ERC2: variants seen among roughly 807,000 people sequenced by gnomAD.
ERC2 encodes the protein ERC protein 2.
Under a neutral mutation model 114.8 loss-of-function variants are expected in ERC2, and 42 were observed. The observed-to-expected ratio is 0.37, with a 90% confidence interval of 0.29 to 0.47. The LOEUF is 0.47. ERC2 is among the 20% of genes least tolerant of loss of function. The pLI is 0.99. For synonymous variants in ERC2, 454 were observed against 425.5 expected (o/e 1.07, Z -0.82); for missense variants, 939 against 1,150.7 (o/e 0.82, Z 2.66).
At chr3:56,167,779 G>T (rs566498948) in intron 4 of ERC2, among the ~76,000 whole-genome samples, 4 of 152,238 alleles carry the variant, frequency 2.6e-5, no homozygotes, top group Admixed American at 1.3e-4. Context: ...GTTAAAAAAA[G>T]ACTTCAGAGC....
chr3:56,419,391 G>A (rs2061299921), intron 2 of ERC2, among the ~76,000 whole-genome samples: 1 of 152,198 alleles, frequency 6.6e-6, no homozygotes, highest in Non-Finnish European at 1.5e-5. Flanking sequence ...AATATTTAAA[G>A]ATGTGCTTTT....
intron 17 of ERC2, among the ~76,000 whole-genome samples, chr3:55,635,291 G>A (rs1316334530): frequency 2.6e-5 from 4 of 152,112 alleles, no homozygotes; most frequent in Non-Finnish European, 5.9e-5. Context: ...CAAGATCTCT[G>A]TCAGGTTGGA....
intron 15 of ERC2, among the ~76,000 whole-genome samples, chr3:55,701,475 A>T (rs1187388020): frequency 6.6e-6 from 1 of 152,198 alleles, no homozygotes; most frequent in Non-Finnish European, 1.5e-5. Context: ...TATCTGCCAG[A>T]GGATGTCTTA....
intron 14 of ERC2, among the ~76,000 whole-genome samples, chr3:55,818,489 A>T (rs944379850): frequency 3.9e-5 from 6 of 152,262 alleles, no homozygotes; most frequent in African/African-American, 1.4e-4. Flanking sequence ...CACACAGTAC[A>T]ACAGTATAAG....
At chr3:56,261,896 T>C (rs948836273) in intron 3 of ERC2, among the ~76,000 whole-genome samples, 1 of 152,140 alleles carries the variant, frequency 6.6e-6, no homozygotes. Flanking sequence ...CCAGTGTGTG[T>C]TGTTCCCCTC....
At chr3:56,465,760 A>G (rs1209144173) in intron 1 of ERC2, among the ~76,000 whole-genome samples, 4 of 152,278 alleles carry the variant, frequency 2.6e-5, no homozygotes, top group African/African-American at 9.6e-5. Flanking sequence ...TCTACTGGAA[A>G]TATATAATAA....
At chr3:56,051,453 C>G in intron 7 of ERC2, among the ~76,000 whole-genome samples, 1 of 152,006 alleles carries the variant, frequency 6.6e-6, no homozygotes, top group Non-Finnish European at 1.5e-5. Flanking sequence ...GGGAGACAAC[C>G]TTTGGTCACT....
chr3:55,984,109 T>C (rs1348104678), intron 12 of ERC2, among the ~76,000 whole-genome samples: 1 of 152,156 alleles, frequency 6.6e-6, no homozygotes, highest in African/African-American at 2.4e-5. Flanking sequence ...GGTTAAATGA[T>C]ATTGGAATGA....
chr3:55,951,349 C>CA (rs1357814519), intron 12 of ERC2, among the ~76,000 whole-genome samples: 3 of 152,162 alleles, frequency 2.0e-5, no homozygotes, highest in Admixed American at 2.0e-4. Context: ...AGCTCAAACA[C>CA]AATAACAGTT....
At chr3:56,180,357 A>AT (rs2083223480) in intron 3 of ERC2, among the ~76,000 whole-genome samples, 1 of 152,210 alleles carries the variant, frequency 6.6e-6, no homozygotes, top group Non-Finnish European at 1.5e-5. Flanking sequence ...TCTGCTTTAG[A>AT]TTTGTACACC....
chr3:55,599,625 GT>G (rs1409109496), intron 17 of ERC2, among the ~76,000 whole-genome samples: 1 of 152,172 alleles, frequency 6.6e-6, no homozygotes, highest in Non-Finnish European at 1.5e-5. Flanking sequence ...TTAAACTGGA[GT>G]TTTTAAACTT....
intron 12 of ERC2, among the ~76,000 whole-genome samples, chr3:55,978,340 C>G (rs1281633355): frequency 2.6e-5 from 4 of 152,150 alleles, no homozygotes; most frequent in African/African-American, 4.8e-5. Flanking sequence ...AGCATAAGTT[C>G]ATTTTTCTAT....
At chr3:55,597,785 C>T (rs2058217870) in intron 17 of ERC2, among the ~76,000 whole-genome samples, 2 of 152,150 alleles carry the variant, frequency 1.3e-5, no homozygotes, top group South Asian at 4.1e-4. Flanking sequence ...GACTTGGCAC[C>T]CTACAGTGAC....
chr3:55,821,303 G>A (rs1320294061), intron 14 of ERC2, among the ~76,000 whole-genome samples: 2 of 152,074 alleles, frequency 1.3e-5, no homozygotes, highest in Admixed American at 1.3e-4. Flanking sequence ...CCCATCTCTG[G>A]CTCGCCGGCC....
rs1298529314 is a variant in ERC2 at position 56,296,380 on chromosome 3, A to G, written c.713T>C (p.Leu238Pro). 9.9e-6 allele frequency: 16 copies of G among 1,613,870 alleles called. No individual in the cohort carries two copies. Among genetic ancestry groups the G allele is most frequent in the Non-Finnish European group, 1.4e-5 (16 of 1,179,886 alleles). The change falls in exon 3 of 18, where the codon CTC (leucine) becomes CCC (proline). Residue 238 changes from leucine to proline, a missense_variant. By Grantham distance (98) the Leu-to-Pro change is moderately conservative. This residue lies in a region of ERC2 where 281 missense variants were observed against 307.4 expected (regional missense o/e 0.91). Transcript: ENST00000288221. The part of the protein sequence containing the change: ...LQDELRTQRD[L>P]NHLLQQESGN... Reference sequence around the variant, plus strand: ...ACTCTCTTGCTGGAGGAGGTGGTTGAGGTCTCTCTGGGTTCGCAGCTCATC... The same window carrying G: ...ACTCTCTTGCTGGAGGAGGTGGTTGGGGTCTCTCTGGGTTCGCAGCTCATC...
chr3:56,434,932 G>A lies in ERC2; in HGVS notation c.76C>T (p.Arg26Cys), dbSNP rs780679678. The A allele has an allele frequency of 2.4e-5, 39 of 1,613,620 alleles. No homozygotes were observed. Among genetic ancestry groups the A allele is most frequent in the Admixed American group, 1.7e-5 (1 of 59,980 alleles). ...CTACTTGTTCTTCGGTGGCCCAAACGAGGAGACCTTGGCAAACGAGGGGAT... is the reference window on the plus strand; with the variant it reads ...CTACTTGTTCTTCGGTGGCCCAAACAAGGAGACCTTGGCAAACGAGGGGAT... ...SRSPRLPRSP[R>C]LGHRRTSSGG... Residue 26 changes from arginine to cysteine, a missense_variant, in exon 2 of 18, where the codon CGT becomes TGT. Around this residue, in one of 5 missense-constraint regions of ERC2, gnomAD observed 281 missense variants for 307.4 expected, o/e 0.91. Transcript: ENST00000288221.
intron 14 of ERC2, among the ~76,000 whole-genome samples, chr3:55,757,983 A>G (rs2067170133): frequency 6.6e-6 from 1 of 152,102 alleles, no homozygotes; most frequent in Admixed American, 6.6e-5. Context: ...TTTGTATTCA[A>G]ATAACGATAG....
intron 14 of ERC2, among the ~76,000 whole-genome samples, chr3:55,850,592 T>A (rs2061528065): frequency 6.6e-6 from 1 of 152,084 alleles, no homozygotes; most frequent in Non-Finnish European, 1.5e-5. Flanking sequence ...AGAATCAAAG[T>A]GTCTAAATAA....
intron 17 of ERC2, chr3:55,658,555 C>T (rs1305974567): frequency 6.6e-6 from 1 of 152,646 alleles, no homozygotes; most frequent in African/African-American, 2.4e-5. Flanking sequence ...AAGGAATTCC[C>T]CAGAGAAACT....
Sources: allele counts gnomAD v4.1 joint callset (sites outside exome capture counted in the v4.1 genomes callset), GRCh38; gene constraint gnomAD v4.1.1; regional missense constraint gnomAD v4.1.1; transcripts MANE v1.5; gene names NCBI Gene and HGNC (gene_info 2026-07-23, HGNC 2026-07-21).